Variants in KIF6 observed in about 807,000 individuals in gnomAD.
KIF6 encodes the protein kinesin-like protein KIF6.
A neutral mutation model predicts 112.7 loss-of-function variants in KIF6; 106 were observed. That is an observed-to-expected ratio of 0.94 (90% CI 0.80 to 1.11). KIF6 has a LOEUF of 1.11. Ranked by LOEUF, KIF6 falls within the 50% of genes least tolerant of loss-of-function variation. The pLI, the probability that KIF6 is intolerant of heterozygous loss-of-function variation, is 0.00. For missense variants in KIF6, 929 were observed against 964.0 expected (o/e 0.96, Z 0.48); for synonymous variants, 339 against 339.9 (o/e 1.00, Z 0.03).
intron 13 of KIF6, among the ~76,000 whole-genome samples, chr6:39,481,645 T>C (rs1774805101): frequency 6.6e-6 from 1 of 152,168 alleles, no homozygotes; most frequent in South Asian, 2.1e-4. Context: ...CATCTCTGAC[T>C]TCTAGGGCTC....
intron 16 of KIF6, among the ~76,000 whole-genome samples, chr6:39,375,084 C>T (rs1411925710): frequency 6.6e-6 from 1 of 152,106 alleles, no homozygotes; most frequent in Non-Finnish European, 1.5e-5. Context: ...AACTGGAGGA[C>T]ATTATGCTAA....
intron 3 of KIF6, among the ~76,000 whole-genome samples, chr6:39,650,993 A>G (rs1216315811): frequency 6.6e-6 from 1 of 152,190 alleles, no homozygotes; most frequent in African/African-American, 2.4e-5. Context: ...GATAACCACC[A>G]AGATAAGCAT....
intron 3 of KIF6, among the ~76,000 whole-genome samples, chr6:39,697,868 G>A (rs1056993619): frequency 1.3e-5 from 2 of 152,056 alleles, no homozygotes; most frequent in Non-Finnish European, 2.9e-5. Context: ...ATTTTTCTAT[G>A]TGACCTAACA....
intron 15 of KIF6, among the ~76,000 whole-genome samples, chr6:39,413,787 G>A (rs982436874): frequency 6.6e-6 from 1 of 152,110 alleles, no homozygotes; most frequent in Non-Finnish European, 1.5e-5. Context: ...ACTTACCTGA[G>A]ACAACACATT....
intron 16 of KIF6, among the ~76,000 whole-genome samples, 172 bp from the exon 17 acceptor site, chr6:39,362,690 C>G (rs966536075): frequency 3.3e-5 from 5 of 152,292 alleles, no homozygotes; most frequent in Middle Eastern, 3.4e-3. Context: ...CTGAGAGGAG[C>G]AGCTTCCAGG....
In KIF6 at chr6:39,524,601, G is replaced by C. The variant is rs185898403; in HGVS notation, c.1645+15402C>G. ...TGATTTAAAGCCATGCTCCTTACAG[G>C]GGCAGGACTACATCCAACGACTGAC... On this transcript the variant is annotated intron_variant, in intron 13 of 22. Transcript: ENST00000287152. 2.6e-5 allele frequency among the ~76,000 whole-genome samples: 4 copies of C among 152,294 alleles called. No homozygotes were observed. In the East Asian group the frequency reaches 5.8e-4, roughly 22 times the overall value.
chr6:39,529,437 T>C (rs767377046), intron 13 of KIF6, among the ~76,000 whole-genome samples: 2 of 152,186 alleles, frequency 1.3e-5, no homozygotes, highest in Non-Finnish European at 2.9e-5. Context: ...ATAGATAAGA[T>C]ATTTATAAGA....
At chr6:39,349,306 C>A (rs1562117388) in intron 19 of KIF6, among the ~76,000 whole-genome samples, 2 of 152,146 alleles carry the variant, frequency 1.3e-5, no homozygotes, top group South Asian at 4.1e-4. Flanking sequence ...CCAGGGGCTA[C>A]TCCTTAGACC....
At chr6:39,352,656 T>C (rs1036510788) in intron 19 of KIF6, among the ~76,000 whole-genome samples, 1 of 149,852 alleles carries the variant, frequency 6.7e-6, no homozygotes, top group African/African-American at 2.5e-5. Flanking sequence ...CAGGCTGGAG[T>C]GCAGTGGCTT....
chr6:39,347,480 C>T (rs114146686), intron 19 of KIF6, among the ~76,000 whole-genome samples: 2,432 of 152,340 alleles, frequency 0.016, 64 homozygotes, highest in African/African-American at 0.055. Context: ...TGAAGAGGCG[C>T]GTGGACACGG....
intron 2 of KIF6, among the ~76,000 whole-genome samples, chr6:39,717,942 T>C (rs1260733449): frequency 1.3e-5 from 2 of 152,112 alleles, no homozygotes; most frequent in Non-Finnish European, 2.9e-5. Flanking sequence ...AAGAATACTT[T>C]GGGGCCAGGT....
intron 15 of KIF6, among the ~76,000 whole-genome samples, chr6:39,418,663 G>C (rs908199597): frequency 6.6e-6 from 1 of 152,166 alleles, no homozygotes; most frequent in Non-Finnish European, 1.5e-5. Context: ...CTGGACCTTA[G>C]GTCAAGAACT....
At chr6:39,661,467 C>T (rs144817093) in intron 3 of KIF6, among the ~76,000 whole-genome samples, 1 of 151,984 alleles carries the variant, frequency 6.6e-6, no homozygotes, top group African/African-American at 2.4e-5. Context: ...GTGTCTATTG[C>T]CTATGTGTAA....
At chr6:39,514,953 A>G (rs1482749634) in intron 13 of KIF6, among the ~76,000 whole-genome samples, 1 of 152,244 alleles carries the variant, frequency 6.6e-6, no homozygotes, top group Non-Finnish European at 1.5e-5. Context: ...AAGCTTAAGT[A>G]ATGTGTTTTT....
intron 13 of KIF6, among the ~76,000 whole-genome samples, chr6:39,447,556 C>A (rs1479620524): frequency 1.3e-5 from 2 of 152,034 alleles, no homozygotes; most frequent in Non-Finnish European, 2.9e-5. Context: ...GTTTACTGGC[C>A]TTGATTTCAT....
At chr6:39,414,052 G>A (rs972845436) in intron 15 of KIF6, among the ~76,000 whole-genome samples, 57 of 152,256 alleles carry the variant, frequency 3.7e-4, no homozygotes, top group African/African-American at 1.4e-3. Context: ...AGGAAATGCA[G>A]TATAATGTTG....
intron 13 of KIF6, among the ~76,000 whole-genome samples, chr6:39,517,398 T>C (rs1184573389): frequency 6.6e-6 from 1 of 152,200 alleles, no homozygotes; most frequent in Non-Finnish European, 1.5e-5. Context: ...TTTGAACCTT[T>C]GGTAGGTTCA....
chr6:39,629,136 T>C (rs2150749111), intron 5 of KIF6, among the ~76,000 whole-genome samples: 1 of 152,252 alleles, frequency 6.6e-6, no homozygotes, highest in Middle Eastern at 3.4e-3. Flanking sequence ...TATATGTATT[T>C]GTGGGAAGGT....
intron 10 of KIF6, among the ~76,000 whole-genome samples, chr6:39,547,663 T>A (rs1779137009): frequency 6.6e-6 from 1 of 152,244 alleles, no homozygotes; most frequent in African/African-American, 2.4e-5. Context: ...ATTTATATAT[T>A]CATTTATACA....
Sources: allele counts gnomAD v4.1 joint callset (sites outside exome capture counted in the v4.1 genomes callset), GRCh38; gene constraint gnomAD v4.1.1; transcripts MANE v1.5; gene names NCBI Gene and HGNC (gene_info 2026-07-23, HGNC 2026-07-21).